ABCC12: variants seen among roughly 807,000 people sequenced by gnomAD.
The protein encoded by ABCC12 is ATP-binding cassette sub-family C member 12.
Under a neutral mutation model 151.1 loss-of-function variants are expected in ABCC12, and 142 were observed. The observed-to-expected ratio is 0.94, with a 90% CI of 0.82 to 1.08. ABCC12 has a LOEUF of 1.08. ABCC12 is among the 50% of genes least tolerant of loss of function. The probability of loss-of-function intolerance (pLI) is 0.00; values close to 1 mark genes in which losing one functional copy is unlikely to be tolerated. For synonymous variants in ABCC12, 645 were observed against 646.4 expected (o/e 1.00, Z 0.03); for missense variants, 1,638 against 1,691.1 (o/e 0.97, Z 0.55).
At position 48,083,198 on chromosome 16, in the gene ABCC12, A is replaced by G. The variant is rs1962419846; in HGVS notation, c.*517T>C. ...TTTTTAAAAAAATTTTTGGCCAAAC[A>G]CTGTATTCAGTCTTTCACGCTACAA... is the stretch of plus-strand genomic sequence containing the variant. On this transcript the variant is annotated 3_prime_UTR_variant, in exon 31 of 31. Coordinates refer to ENST00000311303, the MANE Select transcript of ABCC12 (RefSeq NM_001393797.1). 6.6e-6 allele frequency: 1 copy of G among 152,608 alleles called. No homozygotes were observed. The highest frequency in any genetic ancestry group is 6.5e-5 in the Admixed American group (1 of 15,284). 9.5% of individuals were successfully genotyped at this position (152,608 alleles called of 1,614,324 possible).
At position 48,124,288 on chromosome 16, in the gene ABCC12, C is replaced by A. The variant is rs1197701682; in HGVS notation, c.1516-4G>T. 1 of 1,613,942 alleles carries A rather than the reference C, an allele frequency of 6.2e-7. No individual in the cohort carries two copies. The highest frequency in any genetic ancestry group is 8.5e-7 in the Non-Finnish European group (1 of 1,179,804). On this transcript the variant is annotated splice_polypyrimidine_tract_variant and splice_region_variant and intron_variant, in intron 11 of 30. Coordinates refer to ENST00000311303, the MANE Select transcript of ABCC12 (RefSeq NM_001393797.1). ...CACATATTCCCAAGATCTTCCCCTG[C>A]CAGAGAAACAGAGATGGGACACAGT...
chr16:48,102,721 G>A (rs1460446147), intron 22 of ABCC12, among the ~76,000 whole-genome samples: 18 of 152,106 alleles, frequency 1.2e-4, no homozygotes, highest in Non-Finnish European at 2.6e-4. Flanking sequence ...ACCATCAGCC[G>A]ACTTGTTGAA....
intron 3 of ABCC12, among the ~76,000 whole-genome samples, chr16:48,145,918 T>A (rs1964984629): frequency 6.6e-6 from 1 of 152,226 alleles, no homozygotes; most frequent in African/African-American, 2.4e-5. Flanking sequence ...GTTGAGACAG[T>A]CTGTTACAAA....
chr16:48,146,457 C>T lies in ABCC12; in HGVS notation c.-33G>A. The T allele has an allele frequency of 6.4e-7, 1 of 1,565,790 alleles. No homozygotes were observed. The highest frequency in any genetic ancestry group is 1.1e-5 in the South Asian group (1 of 89,966). On this transcript the variant is annotated 5_prime_UTR_variant, in exon 3 of 31. Transcript: ENST00000311303. ...GCAGCCTGGAGCCCTGGGCTTTTGG[C>T]CTGGGGACACTTTCACTCTATGGCA...
Position 48,083,606 on chromosome 16 carries a change from G to A in ABCC12, c.*109C>T. 3 of 1,105,564 alleles carry A rather than the reference G, an allele frequency of 2.7e-6. No individual in the cohort carries two copies. The highest frequency in any genetic ancestry group is 4.0e-6 in the Non-Finnish European group (3 of 756,670). 68.5% of individuals were successfully genotyped at this position (1,105,564 alleles called of 1,614,324 possible). On this transcript the variant is annotated 3_prime_UTR_variant, in exon 31 of 31. Transcript: ENST00000311303. ...GCCCCAGCTCACTCCGTGGATGGGA[G>A]GGGCTGAAGACCAGGGCTGCCTGCG...
intron 30 of ABCC12, 36 bp downstream of exon 30, chr16:48,083,873 T>C: frequency 6.2e-7 from 1 of 1,612,654 alleles, no homozygotes; most frequent in African/African-American, 1.3e-5. Flanking sequence ...ACCACTGGAC[T>C]TTCTGGGGAG....
chr16:48,085,517 G>T, intron 29 of ABCC12, 76 bp downstream of exon 29: 1 of 1,235,818 alleles, frequency 8.1e-7, no homozygotes, highest in South Asian at 1.2e-5. Flanking sequence ...ACATACACGT[G>T]GCTCTGCCTC....
rs1381327449 is a variant in ABCC12 at position 48,133,888 on chromosome 16, G to A, written c.980-53C>T. 1.9e-6 allele frequency: 3 copies of A among 1,604,266 alleles called. No individual in the cohort carries two copies. The Admixed American group carries it at 5.0e-5, about 27-fold the overall frequency. ...GTCTCATTTTGCATGTCGAACACTA[G>A]CATTATGAAATGTATTAGCCCTACT... On this transcript the variant is annotated intron_variant, in intron 8 of 30. Coordinates refer to ENST00000311303, the MANE Select transcript of ABCC12 (RefSeq NM_001393797.1).
At chr16:48,155,261 A>G (rs1031915711) in intron 1 of ABCC12, among the ~76,000 whole-genome samples, 1 of 152,192 alleles carries the variant, frequency 6.6e-6, no homozygotes, top group Non-Finnish European at 1.5e-5. Context: ...GGCATCTCCA[A>G]AAGAGGTCAT....
intron 13 of ABCC12, 136 bp downstream of exon 13, chr16:48,121,580 T>C: frequency 8.3e-7 from 1 of 1,209,246 alleles, no homozygotes; most frequent in Non-Finnish European, 1.1e-6. Context: ...CCAGTGTCTG[T>C]GTGGATCTGA....
chr16:48,106,244 A>C (rs1268318745), intron 20 of ABCC12, among the ~76,000 whole-genome samples: 1 of 152,208 alleles, frequency 6.6e-6, no homozygotes, highest in Non-Finnish European at 1.5e-5. Flanking sequence ...CAGCCTGAAG[A>C]GGAGACACTC....
chr16:48,093,400 C>T (rs1962982857), intron 24 of ABCC12, among the ~76,000 whole-genome samples: 1 of 152,186 alleles, frequency 6.6e-6, no homozygotes. Context: ...TCCAGTCTTC[C>T]TTGGCTGGTT....
chr16:48,140,586 G>T, intron 6 of ABCC12, 101 bp downstream of exon 6: 1 of 1,163,052 alleles, frequency 8.6e-7, no homozygotes, highest in South Asian at 1.4e-5. Flanking sequence ...TCATAGACAA[G>T]CAAAAGGAAG....
chr16:48,128,424 G>C, intron 11 of ABCC12, 35 bp downstream of exon 11: 1 of 1,606,668 alleles, frequency 6.2e-7, no homozygotes, highest in Non-Finnish European at 8.5e-7. Context: ...GCAAGGAGGA[G>C]GGCTGGAGGC....
chr16:48,096,983 T>C (rs1347622814), intron 23 of ABCC12, 81 bp from the exon 24 acceptor site: 19 of 1,573,554 alleles, frequency 1.2e-5, no homozygotes, highest in South Asian at 2.2e-5. Flanking sequence ...TGCTGTAGAC[T>C]TAAGGTTAGG....
Position 48,088,754 on chromosome 16 carries a change from A to G in ABCC12, c.3286-20T>C, listed in dbSNP as rs759601458. The G allele has an allele frequency of 6.3e-7, 1 of 1,585,262 alleles. No homozygotes were observed. The highest frequency in any genetic ancestry group is 8.6e-7 in the Non-Finnish European group (1 of 1,163,454). On this transcript the variant is annotated intron_variant, in intron 25 of 30. Transcript: ENST00000311303. ...ACAGGTCTGTAAAGGAGAATAACCA[A>G]TGACCAGTGACTAGCCATTTGTTTT...
At chr16:48,152,845 C>A (rs935772008) in intron 2 of ABCC12, among the ~76,000 whole-genome samples, 3 of 151,982 alleles carry the variant, frequency 2.0e-5, no homozygotes, top group Non-Finnish European at 4.4e-5. Context: ...GTCAATTGCA[C>A]GAAAGACAAA....
chr16:48,093,774 C>A (rs892738560), intron 24 of ABCC12, among the ~76,000 whole-genome samples: 1 of 152,228 alleles, frequency 6.6e-6, no homozygotes, highest in African/African-American at 2.4e-5. Context: ...GCCACGGCAG[C>A]CCTCCCAGGT....
intron 8 of ABCC12, among the ~76,000 whole-genome samples, chr16:48,137,951 T>C (rs1964668023): frequency 6.6e-6 from 1 of 152,154 alleles, no homozygotes; most frequent in Non-Finnish European, 1.5e-5. Flanking sequence ...ATGTTTTTAG[T>C]GGATTATTTT....
Sources: gnomAD v4.1 joint callset for allele counts (sites outside exome capture counted in the v4.1 genomes callset) on GRCh38, gnomAD v4.1.1 for gene constraint, MANE v1.5 for transcripts, NCBI Gene and HGNC (gene_info 2026-07-23, HGNC 2026-07-21) for gene names.